Variants in PPP1R9A observed in about 807,000 individuals in gnomAD.
PPP1R9A encodes the protein neurabin-1.
PPP1R9A carries 59 observed loss-of-function variants against 141.9 expected under a neutral mutation model. The observed-to-expected ratio is 0.42, with a 90% CI of 0.34 to 0.52. PPP1R9A has a LOEUF of 0.52. Among genes scored for constraint, PPP1R9A ranks in the 20% least tolerant of loss-of-function variants. The probability of loss-of-function intolerance (pLI) is 0.10; values close to 1 mark genes in which losing one functional copy is unlikely to be tolerated. For missense variants in PPP1R9A, 1,444 were observed against 1,611.9 expected, an observed-to-expected ratio of 0.90 and a Z score of 1.78; for synonymous variants, 500 against 569.7, an observed-to-expected ratio of 0.88 and a Z score of 1.74.
chr7:95,016,160 T>C (rs1805075663), intron 2 of PPP1R9A, among the ~76,000 whole-genome samples: 1 of 151,914 alleles, frequency 6.6e-6, no homozygotes, highest in African/African-American at 2.4e-5. Context: ...ACTTATCATA[T>C]ACAATGGAAT....
At chr7:95,253,537 A>G (rs1799172181) in intron 12 of PPP1R9A, among the ~76,000 whole-genome samples, 1 of 148,460 alleles carries the variant, frequency 6.7e-6, no homozygotes, top group Non-Finnish European at 1.5e-5. Flanking sequence ...TAGGCAGCTG[A>G]AAGAGGAGGA....
At chr7:95,083,630 T>TGCTAA (rs1816224940) in intron 2 of PPP1R9A, among the ~76,000 whole-genome samples, 1 of 152,052 alleles carries the variant, frequency 6.6e-6, no homozygotes, top group South Asian at 2.1e-4. Context: ...CTTAGCTAAC[T>TGCTAA]GCTAAGCTAA....
At chr7:95,045,153 C>T (rs1294541252) in intron 2 of PPP1R9A, among the ~76,000 whole-genome samples, 1 of 152,090 alleles carries the variant, frequency 6.6e-6, no homozygotes, top group African/African-American at 2.4e-5. Flanking sequence ...GAATCTATGG[C>T]AACCTCAATT....
intron 4 of PPP1R9A, among the ~76,000 whole-genome samples, chr7:95,158,060 A>G (rs1829906624): frequency 6.6e-6 from 1 of 152,220 alleles, no homozygotes; most frequent in Non-Finnish European, 1.5e-5. Flanking sequence ...GCCCTATGAA[A>G]TGCAAAAACT....
Position 95,228,706 on chromosome 7 carries a change from C to A in PPP1R9A, c.2112+2590C>A, listed in dbSNP as rs950429188. ...ATAAATACCCTTGAAAAATACGCTGCATTTTTTGTTGTAATTATGTTAAAC... is the reference window on the plus strand; with the variant it reads ...ATAAATACCCTTGAAAAATACGCTGAATTTTTTGTTGTAATTATGTTAAAC... On this transcript the variant is annotated intron_variant, in intron 8 of 19. Transcript: ENST00000433360. Among the ~76,000 whole-genome samples the A allele has an allele frequency of 3.3e-5, 5 of 152,112 alleles. No individual in the cohort carries two copies. In the South Asian group the frequency reaches 1.0e-3, roughly 31 times the overall value.
chr7:95,255,066 T>A (rs986596424), intron 12 of PPP1R9A, among the ~76,000 whole-genome samples: 4 of 152,032 alleles, frequency 2.6e-5, no homozygotes, highest in Non-Finnish European at 5.9e-5. Flanking sequence ...TCCATTCTAG[T>A]TTATATCAAT....
At chr7:94,953,804 G>A (rs1165881387) in intron 2 of PPP1R9A, among the ~76,000 whole-genome samples, 1 of 152,134 alleles carries the variant, frequency 6.6e-6, no homozygotes, top group Non-Finnish European at 1.5e-5. Flanking sequence ...TTGGCAGATT[G>A]ATTTTTTATC....
In PPP1R9A at chr7:95,058,007, A is replaced by G. The variant is rs78170035; in HGVS notation, c.1396-53252A>G. On this transcript the variant is annotated intron_variant, in intron 2 of 19. Transcript: ENST00000433360. ...ACCAATGGTTATAAACCAGAGTACT[A>G]GAAATTCTTGTAGAACATCAGGGAA... Among the ~76,000 whole-genome samples, 399 of 152,296 alleles carry G rather than the reference A, an allele frequency of 2.6e-3. 2 individuals are homozygous for G. Among genetic ancestry groups the G allele is most frequent in the Middle Eastern group, 0.014 (4 of 294 alleles).
intron 7 of PPP1R9A, among the ~76,000 whole-genome samples, chr7:95,205,982 G>A (rs190548933): frequency 6.6e-6 from 1 of 152,078 alleles, no homozygotes; most frequent in Admixed American, 6.5e-5. Context: ...AAACAAACGT[G>A]CATATTTTAG....
At chr7:95,053,006 A>T (rs536598108) in intron 2 of PPP1R9A, among the ~76,000 whole-genome samples, 2 of 152,318 alleles carry the variant, frequency 1.3e-5, no homozygotes, top group Admixed American at 6.5e-5. Flanking sequence ...CCCTTCTTCC[A>T]GCCTATTATT....
At chr7:94,976,367 A>T in intron 2 of PPP1R9A, among the ~76,000 whole-genome samples, 1 of 147,974 alleles carries the variant, frequency 6.8e-6, no homozygotes, top group Non-Finnish European at 1.5e-5. Context: ...TTTGAGATGA[A>T]GTCTCGCTCT....
At chr7:95,071,593 A>C (rs1813821026) in intron 2 of PPP1R9A, among the ~76,000 whole-genome samples, 1 of 151,944 alleles carries the variant, frequency 6.6e-6, no homozygotes, top group Non-Finnish European at 1.5e-5. Flanking sequence ...CACAAAATAG[A>C]GTTTACAAAA....
chr7:94,919,897 T>G (rs1261665317), intron 2 of PPP1R9A, among the ~76,000 whole-genome samples: 1 of 152,182 alleles, frequency 6.6e-6, no homozygotes, highest in Non-Finnish European at 1.5e-5. Flanking sequence ...GCCTTGAATT[T>G]CTTACCTGTA....
chr7:95,018,843 G>A (rs945167854), intron 2 of PPP1R9A, among the ~76,000 whole-genome samples: 1 of 152,108 alleles, frequency 6.6e-6, no homozygotes, highest in African/African-American at 2.4e-5. Flanking sequence ...TGATTCAGGT[G>A]TCTTGGGTCT....
intron 4 of PPP1R9A, among the ~76,000 whole-genome samples, chr7:95,138,708 C>T (rs1025418616): frequency 6.6e-6 from 1 of 152,184 alleles, no homozygotes; most frequent in Non-Finnish European, 1.5e-5. Context: ...GAAGATTCAA[C>T]AGCCACTTCA....
intron 8 of PPP1R9A, among the ~76,000 whole-genome samples, chr7:95,244,846 G>A (rs59422301): frequency 0.049 from 7,481 of 152,230 alleles, 479 homozygotes; most frequent in East Asian, 0.35. Flanking sequence ...ACTGTGCTAA[G>A]TGCTTTATAT....
intron 8 of PPP1R9A, among the ~76,000 whole-genome samples, chr7:95,231,915 GAAAC>G (rs1383299504): frequency 1.3e-5 from 2 of 151,984 alleles, no homozygotes; most frequent in Admixed American, 6.6e-5. Context: ...AAATCAAATT[GAAAC>G]AAACAAATGC....
intron 8 of PPP1R9A, among the ~76,000 whole-genome samples, chr7:95,230,740 A>T (rs1014611175): frequency 2.0e-5 from 3 of 152,200 alleles, no homozygotes; most frequent in Non-Finnish European, 4.4e-5. Context: ...TTGAGGGAAT[A>T]ATTGAGGAAA....
intron 8 of PPP1R9A, among the ~76,000 whole-genome samples, chr7:95,244,024 A>G (rs1388761417): frequency 6.6e-6 from 1 of 152,168 alleles, no homozygotes. Flanking sequence ...GGATTTGTAG[A>G]AATTCTCTTA....
Sources: allele counts gnomAD v4.1 joint callset (sites outside exome capture counted in the v4.1 genomes callset), GRCh38; gene constraint gnomAD v4.1.1; transcripts MANE v1.5; gene names NCBI Gene and HGNC (gene_info 2026-07-23, HGNC 2026-07-21).